The following NRN1 variants were observed in gnomAD, a reference collection of about 807,000 sequenced individuals.
NRN1 encodes neuritin.
NRN1 carries 4 observed loss-of-function variants against 15.0 expected under a neutral mutation model. The ratio of observed to expected loss-of-function variants is 0.27; its 90% CI spans 0.13 to 0.61. NRN1 has a LOEUF of 0.61. Among genes scored for constraint, NRN1 ranks in the 20% least tolerant of loss-of-function variants. The pLI is 0.87. For synonymous variants in NRN1, 85 were observed against 79.8 expected, an observed-to-expected ratio of 1.07 and a Z score of -0.35; for missense variants, 134 against 181.9, an observed-to-expected ratio of 0.74 and a Z score of 1.51.
intron 2 of NRN1, among the ~76,000 whole-genome samples, chr6:6,001,149 T>C (rs1757934844): frequency 6.6e-6 from 1 of 152,168 alleles, no homozygotes; most frequent in Non-Finnish European, 1.5e-5. Context: ...CACTGGGGCG[T>C]TTAGGAAATA....
chr6:5,999,350 G>C (rs1283083254), intron 2 of NRN1, 146 bp from the exon 3 acceptor site: 2 of 669,174 alleles, frequency 3.0e-6, no homozygotes, highest in Admixed American at 5.2e-5. Context: ...CCGCCCTGGC[G>C]CCTGGCCTGC....
At chr6:6,006,926 A>G, upstream of NRN1, 1 of 292,918 alleles carries the variant, frequency 3.4e-6, no homozygotes, top group Non-Finnish European at 6.4e-6. Context: ...ACAGAAAGAG[A>G]GAGAGAGAGA....
chr6:6,004,512 C>T (rs1357108932), intron 1 of NRN1, among the ~76,000 whole-genome samples: 2 of 152,188 alleles, frequency 1.3e-5, no homozygotes, highest in African/African-American at 4.8e-5. Flanking sequence ...TCGCCGGGGG[C>T]GGGAGCGCTC....
chr6:6,004,925 C>T (rs971020925), intron 1 of NRN1, among the ~76,000 whole-genome samples: 1 of 151,828 alleles, frequency 6.6e-6, no homozygotes, highest in African/African-American at 2.4e-5. Flanking sequence ...CCCCGCCCCT[C>T]CCAACCCCCA....
In NRN1 at chr6:5,999,189, G is replaced by A; in HGVS notation, c.216C>T (p.Phe72=). The change falls in exon 3 of 3, where the codon TTC becomes TTT. Residue 72 remains phenylalanine, a synonymous_variant. Transcript: ENST00000244766. ...TAAGGGCTGTGACCGTGCAGCTGTG[G>A]AAATCCTCCCAGTATCTGGTGAGGA... ...IKTVCTYWED[F]HSCTVTALTD... 6.2e-7 allele frequency: 1 copy of A among 1,613,664 alleles called. No homozygotes were observed. The highest frequency in any genetic ancestry group is 8.5e-7 in the Non-Finnish European group (1 of 1,179,836).
intron 2 of NRN1, among the ~76,000 whole-genome samples, chr6:5,999,406 G>T (rs1293453392): frequency 6.6e-6 from 1 of 152,236 alleles, no homozygotes; most frequent in African/African-American, 2.4e-5. Context: ...AGAAGCGGCT[G>T]TCTAAAGCGG....
intron 1 of NRN1, chr6:6,004,120 A>C: frequency 7.0e-6 from 6 of 852,066 alleles, no homozygotes; most frequent in Non-Finnish European, 7.2e-6. Flanking sequence ...TTAATCCGGA[A>C]CGGGAAGCAC....
Position 5,998,118 on chromosome 6 carries a change from A to C in NRN1, c.*858T>G, listed in dbSNP as rs569702994. On this transcript the variant is annotated 3_prime_UTR_variant, in exon 3 of 3. Transcript: ENST00000244766. ...CTCTCTCTCTTTTTTTTTTAAAATC[A>C]AGGCTCTTTTATGTCAAAATCTTTT... The C allele has an allele frequency of 3.5e-4, 53 of 152,148 alleles. No individual in the cohort carries two copies. The highest frequency in any genetic ancestry group is 6.9e-4 in the Non-Finnish European group (47 of 67,996). The allele number at this position is 152,148 out of a possible 1,614,324, so 9.4% of individuals were successfully genotyped here. A position where few individuals can be genotyped will look rare whatever the true frequency, so the allele number is the denominator to read the frequency against.
At chr6:6,000,752 T>A (rs1757923095) in intron 2 of NRN1, among the ~76,000 whole-genome samples, 1 of 117,856 alleles carries the variant, frequency 8.5e-6, no homozygotes, top group African/African-American at 3.6e-5. Flanking sequence ...TTTTTTTATG[T>A]ACGCCCAGAT....
upstream of NRN1, chr6:6,006,999 G>A (rs1169815474): frequency 4.0e-6 from 2 of 500,256 alleles, no homozygotes; most frequent in Non-Finnish European, 7.1e-6. Context: ...CACTCCATTA[G>A]AAGGGGGCGG....
intron 1 of NRN1, chr6:6,003,410 C>T: frequency 2.1e-6 from 1 of 483,510 alleles, no homozygotes; most frequent in Non-Finnish European, 3.3e-6. Flanking sequence ...CCCAGACACC[C>T]TTAACAACCC....
chr6:5,998,821 T>C lies in NRN1; in HGVS notation c.*155A>G. On this transcript the variant is annotated 3_prime_UTR_variant, in exon 3 of 3. Coordinates refer to ENST00000244766, the MANE Select transcript of NRN1 (RefSeq NM_016588.3). ...ATAAAACACAAGAAATCAAACGAAA[T>C]AAAAAAGAGAATCAGGATTTCCCAC... The C allele has an allele frequency of 1.6e-6, 1 of 632,678 alleles. No individual in the cohort carries two copies. The highest frequency in any genetic ancestry group is 2.0e-5 in the South Asian group (1 of 49,408). 39.2% of individuals were successfully genotyped at this position (632,678 alleles called of 1,614,324 possible).
intron 2 of NRN1, among the ~76,000 whole-genome samples, chr6:6,002,027 T>A (rs1757960258): frequency 6.6e-6 from 1 of 152,222 alleles, no homozygotes; most frequent in Non-Finnish European, 1.5e-5. Flanking sequence ...TTTGTAGCAA[T>A]CCTTCATGCC....
At chr6:6,006,949 G>T, upstream of NRN1, 1 of 187,040 alleles carries the variant, frequency 5.3e-6, no homozygotes, top group South Asian at 5.2e-5. Context: ...AAGAGAGAGA[G>T]AGAGAGAGGC....
Position 6,006,784 on chromosome 6 carries a change from C to A in NRN1, c.-35G>T. The stretch of plus-strand genomic sequence containing the variant: ...AGTCAAACCATTTGCGACCGCAGAC[C>A]TTTAAATAGTTAGTTTAGAGAACGC... On this transcript the variant is annotated 5_prime_UTR_variant, in exon 1 of 3. It adds an upstream start codon to the 5' untranslated region. Transcript: ENST00000244766. 6.2e-7 allele frequency: 1 copy of A among 1,607,872 alleles called. No homozygotes were observed. Among genetic ancestry groups the A allele is most frequent in the South Asian group, 1.1e-5 (1 of 90,970 alleles).
rs1031841988 is a variant in NRN1, at chr6:6,006,777, C to A, written c.-28G>T. ...TACGTTTAGTCAAACCATTTGCGACCGCAGACCTTTAAATAGTTAGTTTAG... is the reference window on the plus strand; with the variant it reads ...TACGTTTAGTCAAACCATTTGCGACAGCAGACCTTTAAATAGTTAGTTTAG... On this transcript the variant is annotated 5_prime_UTR_variant, in exon 1 of 3. Transcript: ENST00000244766. 2 of 1,611,570 alleles carry A rather than the reference C, an allele frequency of 1.2e-6. No individual in the cohort carries two copies. The highest frequency in any genetic ancestry group is 1.3e-5 in the African/African-American group (1 of 74,970).
chr6:6,006,933 GAGAGAA>G, upstream of NRN1: 1 of 253,204 alleles, frequency 3.9e-6, no homozygotes, highest in Non-Finnish European at 7.4e-6. Flanking sequence ...GAGAGAGAGA[GAGAGAA>G]AGAGAGAGAG....
At chr6:6,006,603 C>T in intron 1 of NRN1, 92 bp downstream of exon 1, 2 of 1,220,048 alleles carry the variant, frequency 1.6e-6, no homozygotes, top group Non-Finnish European at 1.2e-6. Flanking sequence ...CACCCTGGGG[C>T]GGCCGCGGAC....
Position 5,999,212 on chromosome 6 carries a change from G to C in NRN1, c.201-8C>G. ...TGGAAATCCTCCCAGTATCTGGTGA[G>C]GAACAGAACAAAACAGAACAAGCAG... On this transcript the variant is annotated splice_region_variant and splice_polypyrimidine_tract_variant and intron_variant, in intron 2 of 2. Coordinates refer to ENST00000244766, the MANE Select transcript of NRN1 (RefSeq NM_016588.3). The C allele has an allele frequency of 1.2e-6, 2 of 1,609,686 alleles. No homozygotes were observed. Among genetic ancestry groups the C allele is most frequent in the Admixed American group, 3.3e-5 (2 of 60,024 alleles).
Sources: gnomAD v4.1 joint callset for allele counts (sites outside exome capture counted in the v4.1 genomes callset) on GRCh38, gnomAD v4.1.1 for gene constraint, MANE v1.5 for transcripts, NCBI Gene and HGNC (gene_info 2026-07-23, HGNC 2026-07-21) for gene names.